The following SASH1 variants were observed in gnomAD, a reference collection of about 807,000 sequenced individuals.
SASH1 encodes SAM and SH3 domain-containing protein 1.
In SASH1, 44 loss-of-function variants were observed where a neutral mutation model predicts 125.2. The observed-to-expected ratio is 0.35, with a 90% confidence interval of 0.28 to 0.45. The LOEUF (loss-of-function observed/expected upper bound fraction) is 0.45. Ranked by LOEUF, SASH1 falls within the 20% of genes least tolerant of loss-of-function variation. SASH1 has a pLI of 1.00. For missense variants in SASH1, 1,426 were observed against 1,614.5 expected (o/e 0.88, Z 2.00); for synonymous variants, 639 against 649.1 (o/e 0.98, Z 0.24).
At chr6:148,531,835 A>T (rs1399523082) in intron 13 of SASH1, among the ~76,000 whole-genome samples, 174 bp downstream of exon 13, 1 of 150,402 alleles carries the variant, frequency 6.6e-6, no homozygotes. Flanking sequence ...GTTTATTAGT[A>T]GACATGCAGC....
chr6:148,423,196 C>T (rs1020681175), intron 2 of SASH1, among the ~76,000 whole-genome samples: 1 of 152,256 alleles, frequency 6.6e-6, no homozygotes, highest in African/African-American at 2.4e-5. Context: ...CTCAGCCTCC[C>T]AAAGTGTTGG....
At chr6:148,234,062 G>A in the SASH1 span, among the ~76,000 whole-genome samples, 1 of 151,956 alleles carries the variant, frequency 6.6e-6, no homozygotes, top group Admixed American at 6.6e-5. Context: ...ATTTGAGACA[G>A]GGTCTCACTC....
chr6:148,391,605 G>GCT (rs1783733656), intron 2 of SASH1, among the ~76,000 whole-genome samples: 1 of 152,104 alleles, frequency 6.6e-6, no homozygotes, highest in Non-Finnish European at 1.5e-5. Flanking sequence ...AAATTTGGCT[G>GCT]TTTGTGAAAA....
chr6:148,446,125 T>C (rs1776770489), intron 4 of SASH1, among the ~76,000 whole-genome samples: 1 of 79,618 alleles, frequency 1.3e-5, no homozygotes, highest in Middle Eastern at 7.6e-3. Flanking sequence ...TTTTTTTTTT[T>C]TGAGACGGAG....
chr6:148,441,074 A>G (rs1776526039), intron 4 of SASH1, among the ~76,000 whole-genome samples: 1 of 152,228 alleles, frequency 6.6e-6, no homozygotes, highest in South Asian at 2.1e-4. Flanking sequence ...GCTTTATTGC[A>G]TCATCATTGT....
In SASH1 at chr6:148,494,984, C is replaced by T. The variant is rs532455872; in HGVS notation, c.729+7269C>T. Among the ~76,000 whole-genome samples the T allele has an allele frequency of 1.1e-3, 161 of 152,202 alleles. 1 individual carries two copies. The highest frequency in any genetic ancestry group is 3.8e-3 in the African/African-American group (158 of 41,534). ...CATAAACATGTGCCTCTCCAGTGGC[C>T]AGGTTTTACTTAGAGTTTTCAATGT... On this transcript the variant is annotated intron_variant, in intron 8 of 19. Coordinates refer to ENST00000367467, the MANE Select transcript of SASH1 (RefSeq NM_015278.5).
intron 1 of SASH1, among the ~76,000 whole-genome samples, chr6:148,372,558 G>A (rs1466798484): frequency 6.6e-6 from 1 of 152,034 alleles, no homozygotes; most frequent in East Asian, 1.9e-4. Flanking sequence ...TAAGGTCTGA[G>A]GACTGAAAAG....
intron 1 of SASH1, among the ~76,000 whole-genome samples, chr6:148,301,571 T>TTTTTCTTTTC (rs372693543): frequency 6.7e-6 from 1 of 149,034 alleles, no homozygotes; most frequent in Admixed American, 6.7e-5. Context: ...CAACCTGGGG[T>TTTTTCTTTTC]TTTTCTTTTC....
At chr6:148,313,271 T>C (rs987606627) in intron 1 of SASH1, among the ~76,000 whole-genome samples, 1 of 152,186 alleles carries the variant, frequency 6.6e-6, no homozygotes, top group Non-Finnish European at 1.5e-5. Flanking sequence ...TCTGGTGTCT[T>C]AGTATTCACC....
intron 1 of SASH1, among the ~76,000 whole-genome samples, chr6:148,309,735 G>T (rs1780250017): frequency 6.7e-6 from 1 of 150,262 alleles, no homozygotes; most frequent in Admixed American, 6.6e-5. Context: ...AAGGTCAATT[G>T]TAAACATTTG....
At chr6:148,300,962 G>C (rs979829677) in intron 1 of SASH1, among the ~76,000 whole-genome samples, 1 of 151,910 alleles carries the variant, frequency 6.6e-6, no homozygotes, top group Non-Finnish European at 1.5e-5. Context: ...TGTTTTTTGA[G>C]TTTGTTGTTG....
chr6:148,463,462 C>G (rs762245055), intron 4 of SASH1, among the ~76,000 whole-genome samples: 21 of 152,082 alleles, frequency 1.4e-4, no homozygotes, highest in Non-Finnish European at 1.6e-4. Flanking sequence ...TTTTGTAAAA[C>G]GGAGTTTAAT....
Position 148,544,857 on chromosome 6 carries a change from T to C in SASH1, c.3348+39T>C, listed in dbSNP as rs992782577. Reference sequence around the variant, plus strand: ...TGGGCCCACCACGTTCACAGGCCTTTGTTTGTAGAAGTCAGGCAGCCAGGT... The same window carrying C: ...TGGGCCCACCACGTTCACAGGCCTTCGTTTGTAGAAGTCAGGCAGCCAGGT... On this transcript the variant is annotated intron_variant, in intron 18 of 19. Transcript: ENST00000367467. The surrounding 1 kb of genome is among the most constrained non-coding windows in gnomAD (Gnocchi z 6.4). The C allele has an allele frequency of 1.3e-6, 2 of 1,507,828 alleles. No homozygotes were observed. Among genetic ancestry groups the C allele is most frequent in the African/African-American group, 1.4e-5 (1 of 71,794 alleles). The allele number at this position is 1,507,828 out of a possible 1,614,324, so 93.4% of individuals were successfully genotyped here.
At chr6:148,350,645 C>T (rs908642427) in intron 1 of SASH1, among the ~76,000 whole-genome samples, 1 of 152,144 alleles carries the variant, frequency 6.6e-6, no homozygotes, top group South Asian at 2.1e-4. Context: ...CATAATCCCA[C>T]TGTAATAGAC....
chr6:148,400,971 G>T (rs1784147057), intron 2 of SASH1, among the ~76,000 whole-genome samples: 1 of 151,920 alleles, frequency 6.6e-6, no homozygotes, highest in Middle Eastern at 3.4e-3. Flanking sequence ...TTGGCCAGGT[G>T]TGGTGGCTCA....
chr6:148,390,908 A>AT, intron 2 of SASH1, among the ~76,000 whole-genome samples: 2 of 151,812 alleles, frequency 1.3e-5, no homozygotes, highest in Middle Eastern at 6.8e-3. Context: ...GTCTAGGCTA[A>AT]TTTTTTTTCC....
rs538544910 is a variant in SASH1 at position 148,286,410 on chromosome 6, A to G, written n.74+14033A>G. Among the ~76,000 whole-genome samples, 296 of 152,096 alleles carry G rather than the reference A, an allele frequency of 1.9e-3. 2 individuals carry two copies. The highest frequency in any genetic ancestry group is 6.9e-3 in the African/African-American group (285 of 41,454). On this transcript the variant is annotated intron_variant and non_coding_transcript_variant, in intron 1 of 3. Transcript: ENST00000367469. ...AGCTTGACTCCATCTCAAAAAAAAAAAAAAGAATTCTGTATTAGTTTGCCT... is the reference window on the plus strand; with the variant it reads ...AGCTTGACTCCATCTCAAAAAAAAAGAAAAGAATTCTGTATTAGTTTGCCT...
At chr6:148,360,755 G>T (rs1424148520) in intron 1 of SASH1, among the ~76,000 whole-genome samples, 1 of 152,090 alleles carries the variant, frequency 6.6e-6, no homozygotes. Flanking sequence ...TATGGAGCAT[G>T]GACTATGTGT....
chr6:148,356,656 G>A (rs549932352), intron 1 of SASH1, among the ~76,000 whole-genome samples: 9 of 149,338 alleles, frequency 6.0e-5, no homozygotes, highest in Non-Finnish European at 1.2e-4. Context: ...TTTTAGTAGA[G>A]ACAGGCCAGG....
Sources: allele counts gnomAD v4.1 joint callset (sites outside exome capture counted in the v4.1 genomes callset), GRCh38; gene constraint gnomAD v4.1.1; non-coding constraint Gnocchi (gnomAD v3.1); transcripts MANE v1.5; gene names NCBI Gene and HGNC (gene_info 2026-07-23, HGNC 2026-07-21).